CTNNA3: variants seen among roughly 807,000 people sequenced by gnomAD.
CTNNA3 encodes the protein catenin alpha 3, also known as catenin alpha-3.
Under a neutral mutation model 95.7 loss-of-function variants are expected in CTNNA3, and 76 were observed. The observed-to-expected ratio is 0.79, with a 90% confidence interval of 0.66 to 0.96. CTNNA3 has a LOEUF of 0.96. Among genes scored for constraint, CTNNA3 ranks in the 40% least tolerant of loss-of-function variants. The pLI is 0.00. For missense variants in CTNNA3, 1,191 were observed against 1,089.8 expected (o/e 1.09, Z -1.31); for synonymous variants, 431 against 374.4 (o/e 1.15, Z -1.74).
intron 12 of CTNNA3, among the ~76,000 whole-genome samples, chr10:66,362,674 T>C (rs1049505881): frequency 4.6e-5 from 7 of 151,694 alleles, no homozygotes; most frequent in Non-Finnish European, 8.8e-5. Flanking sequence ...GATCCTGCCA[T>C]TGCACTCCAC....
chr10:66,974,381 A>G (rs1472271844), intron 7 of CTNNA3, among the ~76,000 whole-genome samples: 2 of 152,182 alleles, frequency 1.3e-5, no homozygotes, highest in Non-Finnish European at 2.9e-5. Context: ...CCTATACAGC[A>G]CACTTTACGC....
At chr10:66,114,476 ATGTATATATG>A (rs981047137) in intron 13 of CTNNA3, among the ~76,000 whole-genome samples, 41 of 150,222 alleles carry the variant, frequency 2.7e-4, no homozygotes, top group Admixed American at 5.4e-4. Flanking sequence ...ATGTGCGTAT[ATGTATATATG>A]TGTATATATG....
At chr10:67,205,160 C>T (rs542685329) in intron 6 of CTNNA3, among the ~76,000 whole-genome samples, 1 of 152,122 alleles carries the variant, frequency 6.6e-6, no homozygotes, top group Non-Finnish European at 1.5e-5. Context: ...CTAAATTTCT[C>T]CCAAAGTTAG....
intron 13 of CTNNA3, among the ~76,000 whole-genome samples, chr10:66,188,014 G>T (rs2086431377): frequency 6.6e-6 from 1 of 152,008 alleles, no homozygotes; most frequent in Admixed American, 6.6e-5. Flanking sequence ...ACAAAACAAA[G>T]ACTTAGAAAT....
intron 14 of CTNNA3, among the ~76,000 whole-genome samples, chr10:66,099,316 T>C (rs1395577584): frequency 1.3e-5 from 2 of 152,184 alleles, no homozygotes; most frequent in East Asian, 3.8e-4. Flanking sequence ...GTGTGAAATG[T>C]GCCAAAAGTT....
intron 7 of CTNNA3, among the ~76,000 whole-genome samples, chr10:67,153,701 G>A (rs1861181873): frequency 6.6e-6 from 1 of 152,140 alleles, no homozygotes. Flanking sequence ...GTGGAGTAAA[G>A]TATGTTTTAC....
chr10:66,319,048 T>C (rs2092146577), intron 12 of CTNNA3, among the ~76,000 whole-genome samples: 1 of 152,012 alleles, frequency 6.6e-6, no homozygotes, highest in Admixed American at 6.5e-5. Context: ...ATTAAATGAG[T>C]CAATTTTAGG....
chr10:66,032,395 T>A (rs544698365), intron 15 of CTNNA3, among the ~76,000 whole-genome samples: 1 of 152,266 alleles, frequency 6.6e-6, no homozygotes, highest in African/African-American at 2.4e-5. Context: ...ACAAAAATAA[T>A]GTTAAATTTA....
intron 1 of CTNNA3, among the ~76,000 whole-genome samples, chr10:67,729,784 T>G (rs1029286036): frequency 2.0e-5 from 3 of 152,158 alleles, no homozygotes; most frequent in African/African-American, 7.2e-5. Context: ...AGGAGGTAGT[T>G]GTACAAGGTT....
rs563734442 is a variant in CTNNA3 at position 66,754,827 on chromosome 10, T to C, written c.1281+11437A>G. On this transcript the variant is annotated intron_variant, in intron 9 of 17. Transcript: ENST00000433211. ...GTAACAACTGTTGGCATGTAGAGAATTGAAGCCTTCATACACTGCAGATGA... is the reference window on the plus strand; with the variant it reads ...GTAACAACTGTTGGCATGTAGAGAACTGAAGCCTTCATACACTGCAGATGA... Among the ~76,000 whole-genome samples the C allele has an allele frequency of 8.5e-5, 13 of 152,270 alleles. No individual in the cohort carries two copies. The South Asian group carries it at 1.9e-3, about 22-fold the overall frequency.
chr10:66,028,854 A>T (rs1283891696), intron 15 of CTNNA3, among the ~76,000 whole-genome samples: 1 of 152,156 alleles, frequency 6.6e-6, no homozygotes, highest in Non-Finnish European at 1.5e-5. Flanking sequence ...TGCTAAGATG[A>T]TTTATTTATG....
chr10:67,081,628 T>C (rs1223983413), intron 7 of CTNNA3, among the ~76,000 whole-genome samples: 1 of 152,234 alleles, frequency 6.6e-6, no homozygotes, highest in Non-Finnish European at 1.5e-5. Flanking sequence ...TGTATTCTCA[T>C]ATGTATACCT....
chr10:67,611,626 T>C (rs1373539915), intron 2 of CTNNA3, among the ~76,000 whole-genome samples: 2 of 152,206 alleles, frequency 1.3e-5, no homozygotes, highest in Non-Finnish European at 2.9e-5. Flanking sequence ...GTGAAATGTC[T>C]TTTTTAATGC....
intron 11 of CTNNA3, among the ~76,000 whole-genome samples, chr10:66,490,376 TGAA>T (rs1839881098): frequency 6.6e-6 from 1 of 152,174 alleles, no homozygotes; most frequent in South Asian, 2.1e-4. Context: ...ATAAATATGA[TGAA>T]GAAGAGACAA....
intron 10 of CTNNA3, among the ~76,000 whole-genome samples, chr10:66,581,058 T>G (rs2132196238): frequency 6.6e-6 from 1 of 151,890 alleles, no homozygotes; most frequent in East Asian, 1.9e-4. Context: ...TCCAACCAAG[T>G]TGCCACAAAA....
At chr10:67,230,695 C>A (rs189873969) in intron 5 of CTNNA3, among the ~76,000 whole-genome samples, 1 of 152,198 alleles carries the variant, frequency 6.6e-6, no homozygotes, top group Non-Finnish European at 1.5e-5. Flanking sequence ...ATAGGAACAG[C>A]TCGGTCTACA....
At chr10:67,534,078 A>G (rs1401265386) in intron 4 of CTNNA3, among the ~76,000 whole-genome samples, 3 of 152,028 alleles carry the variant, frequency 2.0e-5, no homozygotes, top group Non-Finnish European at 4.4e-5. Context: ...AAAGTCCAGA[A>G]GCCTGAATGA....
intron 13 of CTNNA3, among the ~76,000 whole-genome samples, chr10:66,158,278 T>A (rs540099590): frequency 1.3e-5 from 2 of 152,014 alleles, no homozygotes; most frequent in African/African-American, 4.8e-5. Flanking sequence ...TTATCTTCTA[T>A]AATTTTTATA....
intron 11 of CTNNA3, among the ~76,000 whole-genome samples, chr10:66,481,115 G>A (rs954436079): frequency 2.6e-5 from 4 of 152,136 alleles, no homozygotes; most frequent in African/African-American, 9.7e-5. Context: ...AAGTTTATAT[G>A]TATAAATTGG....
Sources: allele counts gnomAD v4.1 joint callset (sites outside exome capture counted in the v4.1 genomes callset), GRCh38; gene constraint gnomAD v4.1.1; transcripts MANE v1.5; gene names NCBI Gene and HGNC (gene_info 2026-07-23, HGNC 2026-07-21).